Variants in SLC15A1 observed in about 807,000 individuals in gnomAD.
SLC15A1 encodes Caco-2 oligopeptide transporter.
SLC15A1 carries 83 observed loss-of-function variants against 92.9 expected under a neutral mutation model. The observed-to-expected ratio is 0.89, with a 90% CI of 0.75 to 1.07. The LOEUF (loss-of-function observed/expected upper bound fraction) is 1.07, where lower values mean the gene tolerates loss of function less well. SLC15A1 is among the 50% of genes least tolerant of loss of function. SLC15A1 has a pLI of 0.00. For synonymous variants in SLC15A1, 322 were observed against 318.2 expected, an observed-to-expected ratio of 1.01 and a Z score of -0.13; for missense variants, 857 against 880.1, an observed-to-expected ratio of 0.97 and a Z score of 0.33.
chr13:98,744,663 C>T (rs1394925595), intron 1 of SLC15A1, among the ~76,000 whole-genome samples: 1 of 139,144 alleles, frequency 7.2e-6, no homozygotes, highest in Non-Finnish European at 1.5e-5. Context: ...GCAGGAGAAT[C>T]ATTTGAACCT....
chr13:98,720,973 AC>A (rs1298550795), intron 7 of SLC15A1: 1 of 370,590 alleles, frequency 2.7e-6, no homozygotes, highest in Non-Finnish European at 5.3e-6. Context: ...AATTGCTTGA[AC>A]CCAGGAGGTG....
chr13:98,714,443 G>T (rs914027975), intron 9 of SLC15A1, among the ~76,000 whole-genome samples: 3 of 151,976 alleles, frequency 2.0e-5, no homozygotes, highest in African/African-American at 7.2e-5. Flanking sequence ...GATCACCTGA[G>T]GTCAGGGGTT....
At chr13:98,704,882 C>T (rs554776013) in intron 16 of SLC15A1, among the ~76,000 whole-genome samples, 7 of 152,150 alleles carry the variant, frequency 4.6e-5, no homozygotes, top group African/African-American at 7.2e-5. Flanking sequence ...TAAACAGGAA[C>T]GAGACTGGCT....
chr13:98,737,424 A>G (rs1459395634), intron 1 of SLC15A1, among the ~76,000 whole-genome samples: 2 of 152,204 alleles, frequency 1.3e-5, no homozygotes, highest in African/African-American at 4.8e-5. Context: ...GCAAACCAAC[A>G]TGGCACATGT....
intron 18 of SLC15A1, among the ~76,000 whole-genome samples, chr13:98,694,099 G>T (rs2088003952): frequency 1.3e-5 from 2 of 152,190 alleles, no homozygotes; most frequent in East Asian, 3.9e-4. Flanking sequence ...ATATCCAGTG[G>T]TCCTAGCACC....
At chr13:98,708,036 T>C (rs1566448043) in intron 15 of SLC15A1, among the ~76,000 whole-genome samples, 1 of 151,646 alleles carries the variant, frequency 6.6e-6, no homozygotes, top group Non-Finnish European at 1.5e-5. Context: ...TTTATTCCTC[T>C]ACTTTCTTAA....
intron 18 of SLC15A1, among the ~76,000 whole-genome samples, chr13:98,699,338 AG>A (rs1878274245): frequency 6.6e-6 from 1 of 152,282 alleles, no homozygotes; most frequent in South Asian, 2.1e-4. Flanking sequence ...GTGTGAGAAA[AG>A]GAACTCCAGC....
chr13:98,735,269 CTT>C (rs1442523707), intron 1 of SLC15A1, among the ~76,000 whole-genome samples: 1 of 152,174 alleles, frequency 6.6e-6, no homozygotes, highest in African/African-American at 2.4e-5. Flanking sequence ...GAAGAAAAGA[CTT>C]TGACGAAATT....
intron 15 of SLC15A1, among the ~76,000 whole-genome samples, chr13:98,708,403 C>T (rs979661951): frequency 1.3e-5 from 2 of 152,138 alleles, no homozygotes; most frequent in African/African-American, 4.8e-5. Flanking sequence ...ACCAGATTCC[C>T]TGGGAGTTCA....
At chr13:98,730,247 G>T (rs1420717961) in intron 1 of SLC15A1, among the ~76,000 whole-genome samples, 1 of 26,678 alleles carries the variant, frequency 3.7e-5, no homozygotes, top group African/African-American at 1.3e-4. Flanking sequence ...GAAGGGGAAG[G>T]GGAGGGGAAG....
At chr13:98,710,441 A>G (rs1363712325) in intron 11 of SLC15A1, among the ~76,000 whole-genome samples, 1 of 152,210 alleles carries the variant, frequency 6.6e-6, no homozygotes, top group Non-Finnish European at 1.5e-5. Context: ...GTACAGGTAA[A>G]TATGATTATG....
At position 98,747,267 on chromosome 13, in the gene SLC15A1, G is replaced by A. The variant is rs146693780; in HGVS notation, c.4+5328C>T. 2.6e-5 allele frequency among the ~76,000 whole-genome samples: 4 copies of A among 152,284 alleles called. 1 individual carries two copies. Among genetic ancestry groups the A allele is most frequent in the Admixed American group, 2.6e-4 (4 of 15,302 alleles). The stretch of plus-strand genomic sequence containing the variant: ...AGGAAGAATGTGGAAAGGTTCCTCA[G>A]GCCTGACCCTTGTTTTTATTTCCTT... On this transcript the variant is annotated intron_variant, in intron 1 of 22. Coordinates refer to ENST00000376503, the MANE Select transcript of SLC15A1 (RefSeq NM_005073.4).
rs189531501 is a variant in SLC15A1 at position 98,722,169 on chromosome 13, T to C, written c.366-266A>G. Among the ~76,000 whole-genome samples, 53 of 152,328 alleles carry C rather than the reference T, an allele frequency of 3.5e-4. No homozygotes were observed. The East Asian group carries it at 8.9e-3, about 26-fold the overall frequency. ...TGCGAGCTGAGCAAAGCCTTAGGTT[T>C]GGGGTTCTTTTGTAGCTTTATTGTT... On this transcript the variant is annotated intron_variant, in intron 5 of 22. Transcript: ENST00000376503.
intron 1 of SLC15A1, among the ~76,000 whole-genome samples, chr13:98,748,443 G>A (rs1319418479): frequency 6.6e-6 from 1 of 151,998 alleles, no homozygotes; most frequent in African/African-American, 2.4e-5. Flanking sequence ...GGTGCGCACC[G>A]CCATGCCCAG....
chr13:98,703,113 G>A (rs780398559), intron 17 of SLC15A1, among the ~76,000 whole-genome samples: 1 of 139,656 alleles, frequency 7.2e-6, no homozygotes, highest in East Asian at 2.4e-4. Flanking sequence ...GTGAGATCCT[G>A]TTGAAAGTGA....
intron 18 of SLC15A1, 99 bp from the exon 19 acceptor site, chr13:98,688,676 A>G: frequency 1.2e-6 from 1 of 807,748 alleles, no homozygotes; most frequent in Non-Finnish European, 2.0e-6. Flanking sequence ...CCCTATTTTG[A>G]AGGAGTTTAA....
rs192801040 is a variant in SLC15A1, at chr13:98,720,817, A to G, written c.556+678T>C. 1,232 of 298,520 alleles carry G rather than the reference A, an allele frequency of 4.1e-3. 14 individuals carry two copies. The highest frequency in any genetic ancestry group is 2.6e-3 in the Non-Finnish European group (404 of 152,596). 18.5% of individuals were successfully genotyped at this position (298,520 alleles called of 1,614,324 possible). On this transcript the variant is annotated intron_variant, in intron 7 of 22. Transcript: ENST00000376503. ...TGTAATCCCAGCACTTTGGGAGGCCAAGGCAGGCAGATCACGAGGGCAGGA... is the reference window on the plus strand; with the variant it reads ...TGTAATCCCAGCACTTTGGGAGGCCGAGGCAGGCAGATCACGAGGGCAGGA...
intron 21 of SLC15A1, among the ~76,000 whole-genome samples, chr13:98,687,016 CA>C (rs1410147547): frequency 1.3e-5 from 2 of 148,756 alleles, no homozygotes; most frequent in Non-Finnish European, 3.0e-5. Flanking sequence ...GGTGTGATCA[CA>C]GCTCACTGCT....
Position 98,708,029 on chromosome 13 carries a change from A to G in SLC15A1, c.1149+657T>C, listed in dbSNP as rs185391777. Reference sequence around the variant, plus strand: ...TCTGCCTGTGGAGTAGCCAGTCTTTATTCCTCTACTTTCTTAATAAACTTG... The same window carrying G: ...TCTGCCTGTGGAGTAGCCAGTCTTTGTTCCTCTACTTTCTTAATAAACTTG... On this transcript the variant is annotated intron_variant, in intron 15 of 22. Transcript: ENST00000376503. 2.8e-3 allele frequency among the ~76,000 whole-genome samples: 417 copies of G among 149,392 alleles called. 14 individuals carry two copies. Among genetic ancestry groups the G allele is most frequent in the Admixed American group, 0.025 (380 of 14,970 alleles).
Sources: allele counts gnomAD v4.1 joint callset (sites outside exome capture counted in the v4.1 genomes callset), GRCh38; gene constraint gnomAD v4.1.1; transcripts MANE v1.5; gene names NCBI Gene and HGNC (gene_info 2026-07-23, HGNC 2026-07-21).